Variants in CDK8 observed in about 807,000 individuals in gnomAD.
CDK8 encodes cyclin-dependent kinase 8.
In CDK8, 29 loss-of-function variants were observed where a neutral mutation model predicts 71.5. That is an observed-to-expected ratio of 0.41 (90% CI 0.30 to 0.55). The LOEUF (loss-of-function observed/expected upper bound fraction) is 0.55, where lower values mean the gene tolerates loss of function less well. CDK8 is among the 20% of genes least tolerant of loss of function. The pLI is 0.37. For missense variants in CDK8, 288 were observed against 572.6 expected, an observed-to-expected ratio of 0.50 and a Z score of 5.07; for synonymous variants, 161 against 192.1, an observed-to-expected ratio of 0.84 and a Z score of 1.34.
At chr13:26,363,485 TA>T (rs1874245286) in intron 4 of CDK8, among the ~76,000 whole-genome samples, 1 of 152,090 alleles carries the variant, frequency 6.6e-6, no homozygotes, top group African/African-American at 2.4e-5. Flanking sequence ...AGAGGTATGC[TA>T]CTCACTTCAA....
Position 26,300,808 on chromosome 13 carries a change from C to T in CDK8, c.129-36759C>T, listed in dbSNP as rs930138871. Among the ~76,000 whole-genome samples the T allele has an allele frequency of 7.9e-5, 12 of 152,142 alleles. No homozygotes were observed. In the East Asian group the frequency reaches 9.6e-4, roughly 12 times the overall value. On this transcript the variant is annotated intron_variant, in intron 1 of 12. Transcript: ENST00000381527. ...CAAAGCAAACAGGTATTGATTATCC[C>T]GCTCTAAAAAGACATTAAATTAAGA...
chr13:26,287,514 A>G (rs1444556028), intron 1 of CDK8, among the ~76,000 whole-genome samples: 3 of 152,246 alleles, frequency 2.0e-5, no homozygotes, highest in African/African-American at 7.2e-5. Flanking sequence ...GCGGGAGCTA[A>G]GCTATGAGGA....
chr13:26,264,840 G>A (rs563052774), intron 1 of CDK8, among the ~76,000 whole-genome samples: 1 of 151,812 alleles, frequency 6.6e-6, no homozygotes, highest in East Asian at 1.9e-4. Context: ...TTGTCTTTTT[G>A]TGCCTGGCTT....
At chr13:26,376,178 T>C (rs1874935820) in intron 4 of CDK8, among the ~76,000 whole-genome samples, 1 of 151,216 alleles carries the variant, frequency 6.6e-6, no homozygotes, top group Non-Finnish European at 1.5e-5. Context: ...TTAGAGTGAT[T>C]TTCAGATTTC....
chr13:26,389,525 G>C (rs1271672199), intron 6 of CDK8, among the ~76,000 whole-genome samples: 2 of 152,068 alleles, frequency 1.3e-5, no homozygotes, highest in Non-Finnish European at 2.9e-5. Context: ...AGAGGGAACT[G>C]ACTTGGGTGC....
At chr13:26,324,577 A>G (rs565295783) in intron 1 of CDK8, among the ~76,000 whole-genome samples, 105 of 152,320 alleles carry the variant, frequency 6.9e-4, no homozygotes, top group African/African-American at 2.4e-3. Context: ...GTAGAAATAA[A>G]TTAGGCAGAT....
chr13:26,397,064 G>T (rs557528491), intron 8 of CDK8, 89 bp from the exon 9 acceptor site: 186 of 745,688 alleles, frequency 2.5e-4, no homozygotes, highest in Non-Finnish European at 4.0e-4. Flanking sequence ...TATCGGTTAT[G>T]ATCAAAATAA....
At chr13:26,276,082 C>G in intron 1 of CDK8, among the ~76,000 whole-genome samples, 1 of 152,088 alleles carries the variant, frequency 6.6e-6, no homozygotes, top group Non-Finnish European at 1.5e-5. Flanking sequence ...AGGATGGTCT[C>G]GATCTCTTGA....
chr13:26,396,062 GTTTAAAA>G (rs1202899823), intron 7 of CDK8, among the ~76,000 whole-genome samples: 2 of 152,096 alleles, frequency 1.3e-5, no homozygotes, highest in Non-Finnish European at 2.9e-5. Context: ...AAAGTTTGCA[GTTTAAAA>G]TTTAAAATAT....
chr13:26,365,419 A>G (rs1874342303), intron 4 of CDK8, among the ~76,000 whole-genome samples: 1 of 152,166 alleles, frequency 6.6e-6, no homozygotes, highest in South Asian at 2.1e-4. Flanking sequence ...TCAATAAAAA[A>G]GTGGCCCACT....
At chr13:26,375,901 G>A (rs937302265) in intron 4 of CDK8, among the ~76,000 whole-genome samples, 3 of 152,214 alleles carry the variant, frequency 2.0e-5, no homozygotes, top group Non-Finnish European at 4.4e-5. Context: ...TATGGTGCAT[G>A]TATCAGGGCT....
At chr13:26,259,220 A>G in intron 1 of CDK8, among the ~76,000 whole-genome samples, 1 of 152,200 alleles carries the variant, frequency 6.6e-6, no homozygotes, top group East Asian at 1.9e-4. Flanking sequence ...AAAATGTGAC[A>G]GAAGAGGACA....
At chr13:26,303,128 A>G (rs1415400011) in intron 1 of CDK8, among the ~76,000 whole-genome samples, 2 of 151,506 alleles carry the variant, frequency 1.3e-5, no homozygotes, top group Admixed American at 6.6e-5. Context: ...TTTGGCTGTT[A>G]TATTTTTTTC....
At chr13:26,390,488 T>C (rs1362364148) in intron 6 of CDK8, among the ~76,000 whole-genome samples, 1 of 152,224 alleles carries the variant, frequency 6.6e-6, no homozygotes, top group Non-Finnish European at 1.5e-5. Context: ...TCCCAGGAAC[T>C]AAGTTTAATT....
At chr13:26,279,387 T>C (rs1249567721) in intron 1 of CDK8, among the ~76,000 whole-genome samples, 2 of 152,134 alleles carry the variant, frequency 1.3e-5, no homozygotes, top group Admixed American at 1.3e-4. Flanking sequence ...AATCATCAGC[T>C]TAACAAAATG....
chr13:26,394,992 G>C (rs1037998966), intron 7 of CDK8, among the ~76,000 whole-genome samples: 1 of 152,146 alleles, frequency 6.6e-6, no homozygotes, highest in African/African-American at 2.4e-5. Flanking sequence ...ATAAGCAAGG[G>C]AAAACTAAAG....
At chr13:26,322,312 G>A (rs778139768) in intron 1 of CDK8, among the ~76,000 whole-genome samples, 5 of 152,142 alleles carry the variant, frequency 3.3e-5, no homozygotes, top group Non-Finnish European at 7.4e-5. Context: ...ATTGCTACAA[G>A]ACTTAAGTTT....
At chr13:26,255,091 TG>T (rs1168882157) in intron 1 of CDK8, among the ~76,000 whole-genome samples, 4,166 of 151,786 alleles carry the variant, frequency 0.027, 183 homozygotes, top group African/African-American at 0.096. Flanking sequence ...AAATGTTTTT[TG>T]TTTTTTTTTT....
rs190767173 is a variant in CDK8, at chr13:26,361,067, A to G, written c.456+7187A>G. 4.1e-4 allele frequency among the ~76,000 whole-genome samples: 62 copies of G among 151,988 alleles called. 1 individual carries two copies. In the South Asian group the frequency reaches 9.0e-3, roughly 22 times the overall value. The stretch of plus-strand genomic sequence containing the variant: ...AAACCTATTTGCTGACCCTTTTCCT[A>G]TGTGTTCTGATGTTCTCTTTATGTC... On this transcript the variant is annotated intron_variant, in intron 4 of 12. Coordinates refer to ENST00000381527, the MANE Select transcript of CDK8 (RefSeq NM_001260.3).
Sources: gnomAD v4.1 joint callset for allele counts (sites outside exome capture counted in the v4.1 genomes callset) on GRCh38, gnomAD v4.1.1 for gene constraint, MANE v1.5 for transcripts, NCBI Gene and HGNC (gene_info 2026-07-23, HGNC 2026-07-21) for gene names.